Variants in UBAP2 observed in about 807,000 individuals in gnomAD.
UBAP2 encodes the protein ubiquitin associated protein 2.
Under a neutral mutation model 139.6 loss-of-function variants are expected in UBAP2, and 75 were observed. The ratio of observed to expected loss-of-function variants is 0.54; its 90% confidence interval spans 0.45 to 0.65. The LOEUF is 0.65. UBAP2 is among the 30% of genes least tolerant of loss of function. UBAP2 has a pLI of 0.00. For missense variants in UBAP2, 1,368 were observed against 1,369.6 expected, an observed-to-expected ratio of 1.00 and a Z score of 0.02; for synonymous variants, 526 against 526.2, an observed-to-expected ratio of 1.00 and a Z score of 0.01.
At chr9:33,963,852 A>C (rs771600173) in intron 8 of UBAP2, 61 bp from the exon 9 acceptor site, 412 of 1,226,514 alleles carry the variant, frequency 3.4e-4, no homozygotes, top group Non-Finnish European at 4.8e-4. Context: ...TATTCATCAC[A>C]GAGAAGATGG....
chr9:33,994,291 G>C (rs929455909), intron 4 of UBAP2, among the ~76,000 whole-genome samples: 1 of 152,048 alleles, frequency 6.6e-6, no homozygotes, highest in East Asian at 1.9e-4. Flanking sequence ...GAGAAAACTG[G>C]ACATTTAAAA....
intron 6 of UBAP2, among the ~76,000 whole-genome samples, chr9:33,983,914 T>C (rs1820979185): frequency 6.6e-6 from 1 of 152,176 alleles, no homozygotes; most frequent in South Asian, 2.1e-4. Context: ...ACTGAATCCC[T>C]GGGATTTTTT....
At chr9:34,018,229 AT>A (rs34798627) in intron 1 of UBAP2, among the ~76,000 whole-genome samples, 105,832 of 142,214 alleles carry the variant, frequency 0.74, 39,856 homozygotes, top group South Asian at 0.9. Context: ...AGCGATTACA[AT>A]TTTTTTTTTT....
intron 1 of UBAP2, among the ~76,000 whole-genome samples, chr9:34,029,711 C>T (rs977237087): frequency 2.0e-5 from 3 of 151,878 alleles, no homozygotes; most frequent in African/African-American, 7.3e-5. Context: ...GAAATGCGGC[C>T]AGGCACGGTG....
Position 33,923,213 on chromosome 9 carries a change from T to C in UBAP2, c.2977A>G (p.Lys993Glu). Reference sequence around the variant, plus strand: ...TTGCCAGGCCCAGAACCTGCAGACTTGTTTGGTGCCTGCGATGATCCAGCA... The same window carrying C: ...TTGCCAGGCCCAGAACCTGCAGACTCGTTTGGTGCCTGCGATGATCCAGCA... Reference protein sequence around the residue: ...GYAGSSQAPNKSAGSGPGKGV... With the variant: ...GYAGSSQAPNESAGSGPGKGV... The change falls in exon 26 of 29, where the codon AAG becomes GAG. Residue 993 changes from lysine (K) to glutamate (E), a missense_variant. Physicochemically the swap from Lys to Glu is moderately conservative, Grantham distance 56. Transcript: ENST00000379238. The C allele has an allele frequency of 3.1e-6, 5 of 1,614,120 alleles. No individual in the cohort carries two copies. The highest frequency in any genetic ancestry group is 4.2e-6 in the Non-Finnish European group (5 of 1,180,000).
At chr9:33,995,372 TATAA>T (rs1186241334) in intron 4 of UBAP2, 1 of 140,530 alleles carries the variant, frequency 7.1e-6, no homozygotes, top group African/African-American at 2.6e-5. Flanking sequence ...TAAATAAATA[TATAA>T]ATATATATAT....
chr9:33,983,167 G>A (rs773080925), intron 6 of UBAP2, among the ~76,000 whole-genome samples: 16 of 151,942 alleles, frequency 1.1e-4, no homozygotes, highest in Non-Finnish European at 2.2e-4. Flanking sequence ...TGTGAGCCAC[G>A]GTGCCCGGCC....
intron 1 of UBAP2, among the ~76,000 whole-genome samples, chr9:34,023,959 G>A (rs944518339): frequency 6.6e-6 from 1 of 152,106 alleles, no homozygotes; most frequent in African/African-American, 2.4e-5. Context: ...CAGGAGAATC[G>A]CTTGAACCTG....
Position 33,971,674 on chromosome 9 carries a change from T to C in UBAP2, c.656A>G (p.Gln219Arg). The change falls in exon 8 of 29, where the codon CAG (glutamine) becomes CGG (arginine). Residue 219 changes from glutamine (Q) to arginine (R), a missense_variant. Physicochemically the swap from Gln to Arg is conservative, Grantham distance 43 (BLOSUM62 1). Coordinates refer to ENST00000379238, the MANE Select transcript of UBAP2 (RefSeq NM_001370062.2). ...ACCAGTTCCCTCATCTGCACCATTC[T>C]GAGCAGCTTCCCAAACTACTAGCTT... is the stretch of plus-strand genomic sequence containing the variant. ...GTKLVVWEAA[Q>R]NGADEGTELA... The C allele has an allele frequency of 6.2e-7, 1 of 1,610,016 alleles. No homozygotes were observed. Among genetic ancestry groups the C allele is most frequent in the East Asian group, 2.2e-5 (1 of 44,854 alleles).
chr9:33,925,121 C>T (rs1032467162), intron 22 of UBAP2, among the ~76,000 whole-genome samples: 2 of 152,112 alleles, frequency 1.3e-5, no homozygotes, highest in African/African-American at 2.4e-5. Flanking sequence ...CCTCACTCAC[C>T]ATCCAGGGCC....
At chr9:33,990,368 A>G (rs367672869) in intron 4 of UBAP2, among the ~76,000 whole-genome samples, 4 of 152,220 alleles carry the variant, frequency 2.6e-5, no homozygotes, top group East Asian at 3.8e-4. Context: ...AATTATTTCC[A>G]TAACAGTGGA....
intron 1 of UBAP2, among the ~76,000 whole-genome samples, chr9:34,031,929 G>A (rs896732765): frequency 3.9e-4 from 59 of 152,262 alleles, no homozygotes; most frequent in African/African-American, 1.4e-3. Flanking sequence ...TTGAGCCCAG[G>A]AGTTTGAGAC....
intron 6 of UBAP2, among the ~76,000 whole-genome samples, chr9:33,977,788 G>A (rs917385426): frequency 1.9e-4 from 29 of 151,166 alleles, no homozygotes; most frequent in African/African-American, 3.2e-4. Context: ...TCAGTCTCCC[G>A]AGCGGCTGGG....
At chr9:34,005,181 T>C (rs2131221371) in intron 2 of UBAP2, among the ~76,000 whole-genome samples, 1 of 151,334 alleles carries the variant, frequency 6.6e-6, no homozygotes, top group South Asian at 2.1e-4. Context: ...AAGAATCATT[T>C]GAACCCGAGA....
intron 19 of UBAP2, among the ~76,000 whole-genome samples, chr9:33,930,198 T>G (rs142985271): frequency 6.6e-6 from 1 of 152,270 alleles, no homozygotes; most frequent in Non-Finnish European, 1.5e-5. Flanking sequence ...CATGGTGTAA[T>G]AGGATATTTC....
intron 1 of UBAP2, among the ~76,000 whole-genome samples, chr9:34,038,283 T>C (rs1826644416): frequency 6.6e-6 from 1 of 152,068 alleles, no homozygotes; most frequent in African/African-American, 2.4e-5. Context: ...ACTCTGTCTC[T>C]ATTAAAAATA....
intron 1 of UBAP2, among the ~76,000 whole-genome samples, chr9:34,020,124 T>G (rs1382956991): frequency 6.8e-6 from 1 of 146,576 alleles, no homozygotes; most frequent in African/African-American, 2.6e-5. Context: ...CACTCCAGCT[T>G]GGGTGACAGA....
intron 1 of UBAP2, among the ~76,000 whole-genome samples, chr9:34,038,761 G>A (rs370475435): frequency 2.6e-5 from 4 of 151,826 alleles, no homozygotes; most frequent in Non-Finnish European, 2.9e-5. Context: ...GGGATGTGAG[G>A]AGCCCCTCTG....
intron 8 of UBAP2, 21 bp downstream of exon 8, chr9:33,971,630 T>C: frequency 2.1e-6 from 3 of 1,412,578 alleles, no homozygotes; most frequent in Non-Finnish European, 3.0e-6. Flanking sequence ...AACTCATCTC[T>C]GGCAAAAACA....
Sources: allele counts gnomAD v4.1 joint callset (sites outside exome capture counted in the v4.1 genomes callset), GRCh38; gene constraint gnomAD v4.1.1; transcripts MANE v1.5; gene names NCBI Gene and HGNC (gene_info 2026-07-23, HGNC 2026-07-21).